Variants in GRIA4 observed in about 807,000 individuals in gnomAD.
The protein encoded by GRIA4 is glutamate ionotropic receptor AMPA type subunit 4, also known as glutamate receptor 4.
Under a neutral mutation model 104.0 loss-of-function variants are expected in GRIA4, and 34 were observed. That is an observed-to-expected ratio of 0.33 (90% CI 0.25 to 0.44). The LOEUF (loss-of-function observed/expected upper bound fraction) is 0.44. Ranked by LOEUF, GRIA4 falls within the 20% of genes least tolerant of loss-of-function variation. The pLI is 1.00. For missense variants in GRIA4, 750 were observed against 1,096.5 expected, an observed-to-expected ratio of 0.68 and a Z score of 4.46; for synonymous variants, 386 against 381.9, an observed-to-expected ratio of 1.01 and a Z score of -0.13.
At chr11:105,910,811 G>C (rs1231368581) in intron 10 of GRIA4, among the ~76,000 whole-genome samples, 1 of 152,082 alleles carries the variant, frequency 6.6e-6, no homozygotes, top group Non-Finnish European at 1.5e-5. Context: ...ACTCTAGTTG[G>C]AAATGTATGA....
intron 3 of GRIA4, among the ~76,000 whole-genome samples, chr11:105,689,959 G>A (rs1017455440): frequency 1.3e-5 from 2 of 152,154 alleles, no homozygotes; most frequent in African/African-American, 4.8e-5. Flanking sequence ...TCAAGTTCCT[G>A]CTGGCAGCTT....
intron 5 of GRIA4, among the ~76,000 whole-genome samples, chr11:105,863,493 A>T (rs975397516): frequency 6.6e-6 from 1 of 152,122 alleles, no homozygotes; most frequent in African/African-American, 2.4e-5. Flanking sequence ...AGTCCAAAAA[A>T]TTTTTGAAGT....
intron 3 of GRIA4, among the ~76,000 whole-genome samples, chr11:105,692,163 T>C (rs947954557): frequency 2.0e-5 from 3 of 151,894 alleles, no homozygotes; most frequent in Admixed American, 6.6e-5. Context: ...ACAATGATGA[T>C]AGATAGAATA....
intron 13 of GRIA4, among the ~76,000 whole-genome samples, chr11:105,928,580 G>A (rs529930181): frequency 1.3e-4 from 19 of 151,876 alleles, no homozygotes; most frequent in East Asian, 3.9e-4. Context: ...TAACGATTTC[G>A]CCTAAAAATT....
intron 4 of GRIA4, among the ~76,000 whole-genome samples, chr11:105,802,285 A>G (rs905783638): frequency 6.6e-5 from 10 of 152,162 alleles, no homozygotes; most frequent in Admixed American, 6.6e-4. Context: ...GTGCTGGACC[A>G]GGAGATGTTG....
At chr11:105,910,991 G>A (rs974921416) in intron 10 of GRIA4, among the ~76,000 whole-genome samples, 4 of 152,050 alleles carry the variant, frequency 2.6e-5, no homozygotes, top group Admixed American at 2.0e-4. Flanking sequence ...TTCAATCATC[G>A]GATAATGATT....
chr11:105,916,604 T>G (rs1311073807), intron 10 of GRIA4, among the ~76,000 whole-genome samples: 1 of 152,192 alleles, frequency 6.6e-6, no homozygotes, highest in Non-Finnish European at 1.5e-5. Flanking sequence ...TTTGATTAAA[T>G]AACAAATATG....
intron 3 of GRIA4, among the ~76,000 whole-genome samples, chr11:105,693,005 C>G (rs1399734677): frequency 6.6e-6 from 1 of 152,132 alleles, no homozygotes; most frequent in Non-Finnish European, 1.5e-5. Context: ...AGAGCTTGAT[C>G]ATATCTGCCT....
At chr11:105,714,096 T>C (rs1192471580) in intron 3 of GRIA4, among the ~76,000 whole-genome samples, 2 of 152,172 alleles carry the variant, frequency 1.3e-5, no homozygotes, top group African/African-American at 4.8e-5. Context: ...ATGCCTCAAC[T>C]TCCACATTTA....
intron 5 of GRIA4, among the ~76,000 whole-genome samples, chr11:105,880,897 C>T (rs73542809): frequency 0.013 from 2,029 of 152,100 alleles, 56 homozygotes; most frequent in African/African-American, 0.046. Flanking sequence ...GGATCATTAG[C>T]CAACAAAAGT....
chr11:105,918,292 A>G (rs1467986156), intron 10 of GRIA4, among the ~76,000 whole-genome samples: 1 of 152,174 alleles, frequency 6.6e-6, no homozygotes, highest in Non-Finnish European at 1.5e-5. Flanking sequence ...AAGATGCAGA[A>G]TATGGAAACC....
chr11:105,813,437 T>G (rs954950441), intron 4 of GRIA4, among the ~76,000 whole-genome samples: 16 of 152,198 alleles, frequency 1.1e-4, no homozygotes, highest in Non-Finnish European at 1.0e-4. Context: ...AGGAGACTGA[T>G]ATACAGACAA....
At chr11:105,734,742 T>A (rs1052752625) in intron 3 of GRIA4, among the ~76,000 whole-genome samples, 2 of 152,222 alleles carry the variant, frequency 1.3e-5, no homozygotes, top group African/African-American at 4.8e-5. Flanking sequence ...GATAGTGTTT[T>A]CTCTACTTTG....
At chr11:105,794,721 T>A (rs1290610054) in intron 4 of GRIA4, among the ~76,000 whole-genome samples, 1 of 150,794 alleles carries the variant, frequency 6.6e-6, no homozygotes, top group Non-Finnish European at 1.5e-5. Flanking sequence ...GAGCTGACAT[T>A]CTAATCCAGG....
At chr11:105,720,264 T>C (rs1373599152) in intron 3 of GRIA4, among the ~76,000 whole-genome samples, 2 of 152,014 alleles carry the variant, frequency 1.3e-5, no homozygotes, top group African/African-American at 4.8e-5. Flanking sequence ...CGTGTCTACA[T>C]AGCAATCACT....
intron 3 of GRIA4, among the ~76,000 whole-genome samples, chr11:105,751,556 G>A (rs531067731): frequency 6.6e-6 from 1 of 152,208 alleles, no homozygotes; most frequent in Non-Finnish European, 1.5e-5. Context: ...CTAGTTCCTT[G>A]GTGAGCATAG....
intron 5 of GRIA4, among the ~76,000 whole-genome samples, chr11:105,870,457 A>G (rs1056225098): frequency 6.6e-6 from 1 of 151,984 alleles, no homozygotes; most frequent in Admixed American, 6.6e-5. Flanking sequence ...TATAAGTTAC[A>G]TCAATTTTAG....
intron 4 of GRIA4, among the ~76,000 whole-genome samples, chr11:105,779,050 C>T (rs1941589169): frequency 6.7e-6 from 1 of 148,920 alleles, no homozygotes; most frequent in Non-Finnish European, 1.5e-5. Flanking sequence ...GTTTTTTGTC[C>T]TTGCGATAGT....
chr11:105,862,476 G>T (rs901464851), intron 5 of GRIA4: 1 of 264,218 alleles, frequency 3.8e-6, no homozygotes, highest in Admixed American at 5.1e-5. Context: ...GAATCTTGAA[G>T]AGCTCTTGGC....
Sources: allele counts gnomAD v4.1 joint callset (sites outside exome capture counted in the v4.1 genomes callset), GRCh38; gene constraint gnomAD v4.1.1; transcripts MANE v1.5; gene names NCBI Gene and HGNC (gene_info 2026-07-23, HGNC 2026-07-21).